Variants in ZP4 observed in about 807,000 individuals in gnomAD.
ZP4 encodes the protein zona pellucida sperm-binding protein 4.
In ZP4, 62 loss-of-function variants were observed where a neutral mutation model predicts 62.3. The ratio of observed to expected loss-of-function variants is 0.99; its 90% confidence interval spans 0.81 to 1.23. The LOEUF (loss-of-function observed/expected upper bound fraction) is 1.23, where lower values mean the gene tolerates loss of function less well. ZP4 is among the 50% of genes most tolerant of loss of function. ZP4 has a pLI of 0.00. For synonymous variants in ZP4, 289 were observed against 247.3 expected (o/e 1.17, Z -1.58); for missense variants, 774 against 656.0 (o/e 1.18, Z -1.97).
At chr1:237,887,738 G>A (rs1665139435) in intron 4 of ZP4, among the ~76,000 whole-genome samples, 177 bp from the exon 5 acceptor site, 1 of 152,170 alleles carries the variant, frequency 6.6e-6, no homozygotes, top group Non-Finnish European at 1.5e-5. Context: ...TAAATGATCT[G>A]GGGTTGAGTC....
rs749678149 is a variant in ZP4 at position 237,886,786 on chromosome 1, C to A, written c.824G>T (p.Arg275Leu). 4 of 1,613,902 alleles carry A rather than the reference C, an allele frequency of 2.5e-6. No individual in the cohort carries two copies. Among genetic ancestry groups the A allele is most frequent in the Non-Finnish European group, 3.4e-6 (4 of 1,179,918 alleles). The change falls in exon 6 of 12, where the codon CGT becomes CTT. Residue 275 changes from arginine to leucine, a missense_variant. Transcript: ENST00000366570. The stretch of plus-strand genomic sequence containing the variant: ...AAGCCCTTACCTGAAGATGCTGTCA[C>A]GAGTGACAGAGCCACGGCTCCCATT... Reference protein sequence around the residue: ...VKNGSRGSVTRDSIFRLHVSC... With the variant: ...VKNGSRGSVTLDSIFRLHVSC...
intron 10 of ZP4, among the ~76,000 whole-genome samples, chr1:237,883,566 G>A (rs111674381): frequency 6.9e-6 from 1 of 145,126 alleles, no homozygotes; most frequent in Admixed American, 6.9e-5. Context: ...AATACAAAAT[G>A]AGCTGGACTT....
At chr1:237,885,082 C>G in intron 9 of ZP4, 83 bp downstream of exon 9, 1 of 1,546,404 alleles carries the variant, frequency 6.5e-7, no homozygotes, top group Non-Finnish European at 8.7e-7. Flanking sequence ...GCTTCCTTGG[C>G]TGCAGAGTAG....
chr1:237,885,166 G>C lies in ZP4; in HGVS notation c.1310C>G (p.Pro437Arg). 6.2e-7 allele frequency: 1 copy of C among 1,613,090 alleles called. No individual in the cohort carries two copies. Among genetic ancestry groups the C allele is most frequent in the Non-Finnish European group, 8.5e-7 (1 of 1,179,592 alleles). Reference sequence around the variant, plus strand: ...GTGTCATGGAAGGGAACATCCTACCGGTCCCCTGAGGGCCTGTTTCTCCAC... The same window carrying C: ...GTGTCATGGAAGGGAACATCCTACCCGTCCCCTGAGGGCCTGTTTCTCCAC... ...PTVEKQALRGPVHLHCSVSVC... is the reference protein window; with the variant it reads ...PTVEKQALRGRVHLHCSVSVC... The change falls in exon 9 of 12, where the codon CCG becomes CGG. Residue 437 changes from proline (P) to arginine (R), a missense_variant and splice_region_variant. Transcript: ENST00000366570.
At chr1:237,882,596 G>T in intron 11 of ZP4, 47 bp from the exon 12 acceptor site, 1 of 1,574,396 alleles carries the variant, frequency 6.4e-7, no homozygotes, top group South Asian at 1.2e-5. Flanking sequence ...AAAACCAAGT[G>T]ATTCTGTGTC....
chr1:237,884,011 C>A lies in ZP4; in HGVS notation c.1390+758G>T, dbSNP rs781537969. Among the ~76,000 whole-genome samples the A allele has an allele frequency of 8.5e-3, 710 of 83,368 alleles. 8 individuals carry two copies. The highest frequency in any genetic ancestry group is 0.015 in the East Asian group (38 of 2,524). 54.7% of individuals were successfully genotyped at this position (83,368 alleles called of 152,430 possible). A position where few individuals can be genotyped will look rare whatever the true frequency, so the allele number is the denominator to read the frequency against. ...ACACACACACACACACACACACACACACACAAACACACACACACACAAACA... is the reference window on the plus strand; with the variant it reads ...ACACACACACACACACACACACACAAACACAAACACACACACACACAAACA... On this transcript the variant is annotated intron_variant, in intron 10 of 11. Coordinates refer to ENST00000366570, the MANE Select transcript of ZP4 (RefSeq NM_021186.5).
At position 237,885,394 on chromosome 1, in the gene ZP4, T is replaced by C; in HGVS notation, c.1157A>G (p.Lys386Arg). ...LSQPQWPILV[K>R]GCPYIGDNYQ... ...GGTGTATGAAAGAACCACTTACCCC[T>C]TTACCAGGATGGGCCACTGTGGCTG... is the stretch of plus-strand genomic sequence containing the variant. Residue 386 changes from lysine (K) to arginine (R), a missense_variant, in exon 8 of 12, where the codon AAG becomes AGG. Coordinates refer to ENST00000366570, the MANE Select transcript of ZP4 (RefSeq NM_021186.5). The C allele has an allele frequency of 1.2e-6, 2 of 1,611,056 alleles. No homozygotes were observed. Among genetic ancestry groups the C allele is most frequent in the Non-Finnish European group, 8.5e-7 (1 of 1,178,466 alleles).
At position 237,890,068 on chromosome 1, in the gene ZP4, T is replaced by G; in HGVS notation, c.284A>C (p.Tyr95Ser). 6.2e-7 allele frequency: 1 copy of G among 1,614,138 alleles called. No individual in the cohort carries two copies. Among genetic ancestry groups the G allele is most frequent in the Non-Finnish European group, 8.5e-7 (1 of 1,180,016 alleles). The change falls in exon 2 of 12, where the codon TAT (tyrosine) becomes TCT (serine). Residue 95 changes from tyrosine (Y) to serine (S), a missense_variant. Physicochemically the swap from Tyr to Ser is moderately radical, Grantham distance 144. Coordinates refer to ENST00000366570, the MANE Select transcript of ZP4 (RefSeq NM_021186.5). ...GGTCATACTCACCCACTCAGTGACA[T>G]AGCAGCTGCTATAGGTTGCCTCCAA... ...VVLEATYSSC[Y>S]VTEWDSHYIM...
In ZP4 at chr1:237,887,345, A is replaced by G. The variant is rs374419029; in HGVS notation, c.741+29T>C. 2.8e-3 allele frequency: 4,490 copies of G among 1,606,682 alleles called. 15 individuals are homozygous for G. The highest frequency in any genetic ancestry group is 3.7e-3 in the Non-Finnish European group (4,319 of 1,175,706). ...ACTACAACCTTCCCACCCAACTTCC[A>G]GAGCCAGGAACAAAGCCCAACTGCT... is the stretch of plus-strand genomic sequence containing the variant. On this transcript the variant is annotated intron_variant, in intron 5 of 11. Transcript: ENST00000366570.
At chr1:237,890,220 C>A in intron 1 of ZP4, 44 bp from the exon 2 acceptor site, 1 of 1,612,132 alleles carries the variant, frequency 6.2e-7, no homozygotes, top group South Asian at 1.1e-5. Flanking sequence ...CGGTCAGTCT[C>A]CAGTGCCAGA....
intron 10 of ZP4, among the ~76,000 whole-genome samples, chr1:237,883,407 C>A (rs1664960860): frequency 6.6e-6 from 1 of 151,012 alleles, no homozygotes; most frequent in South Asian, 2.1e-4. Flanking sequence ...ACATAAAGAT[C>A]CATCTCTATA....
At chr1:237,885,606 G>A (rs376685500) in intron 7 of ZP4, 26 bp from the exon 8 acceptor site, 145 of 1,608,634 alleles carry the variant, frequency 9.0e-5, no homozygotes, top group Non-Finnish European at 1.1e-4. Context: ...ATAAGGATTT[G>A]AAGTAGTAAT....
chr1:237,884,067 CACACAA>C (rs1438288878), intron 10 of ZP4, among the ~76,000 whole-genome samples: 1 of 131,582 alleles, frequency 7.6e-6, no homozygotes, highest in African/African-American at 3.4e-5. Flanking sequence ...CACACAAACA[CACACAA>C]ACACACACAA....
At chr1:237,889,546 G>A (rs987270156) in intron 3 of ZP4, among the ~76,000 whole-genome samples, 2 of 151,880 alleles carry the variant, frequency 1.3e-5, no homozygotes, top group African/African-American at 2.4e-5. Context: ...TCCAACTCCC[G>A]ACCTGATCCA....
Position 237,890,581 on chromosome 1 carries a change from C to T in ZP4, c.55G>A (p.Gly19Ser), listed in dbSNP as rs752958081. ...LCVSLSLAVS[G>S]QHKPEAPDYS... ...TCTGGTGCCTCAGGCTTATGCTGGC[C>T]ACTCACAGCAAGAGATAATGAAACA... Residue 19 changes from glycine to serine, a missense_variant, in exon 1 of 12, where the codon GGC becomes AGC. By Grantham distance (56) the Gly-to-Ser change is moderately conservative. Coordinates refer to ENST00000366570, the MANE Select transcript of ZP4 (RefSeq NM_021186.5). 1.2e-6 allele frequency: 2 copies of T among 1,613,966 alleles called. No individual in the cohort carries two copies. Among genetic ancestry groups the T allele is most frequent in the Admixed American group, 1.7e-5 (1 of 59,998 alleles).
In ZP4 at chr1:237,885,200, T is replaced by G. The variant is rs770872830; in HGVS notation, c.1276A>C (p.Asn426His). The G allele has an allele frequency of 2.5e-6, 4 of 1,614,120 alleles. No homozygotes were observed. The South Asian group carries it at 4.4e-5, about 18-fold the overall frequency. The change falls in exon 9 of 12, where the codon AAC becomes CAC. Residue 426 changes from asparagine (N) to histidine (H), a missense_variant. By Grantham distance (68) the Asn-to-His change is moderately conservative (BLOSUM62 1). Transcript: ENST00000366570. ...RFSIFTFSFV[N>H]PTVEKQALRG... is the part of the protein sequence containing the mutation. ...AGGGCCTGTTTCTCCACTGTAGGGT[T>G]CACAAAGCTGAAGGTGAAGATGCTG...
In ZP4 at chr1:237,883,995, C is replaced by CAA. The variant is rs1446820456; in HGVS notation, c.1390+773_1390+774insTT. Among the ~76,000 whole-genome samples, 215 of 71,908 alleles carry CAA rather than the reference C, an allele frequency of 3.0e-3. 7 individuals carry two copies. Among genetic ancestry groups the CAA allele is most frequent in the African/African-American group, 9.2e-3 (152 of 16,602 alleles). The allele number at this position is 71,908 out of a possible 152,430, so 47.2% of individuals were successfully genotyped here. A position where few individuals can be genotyped will look rare whatever the true frequency, so the allele number is the denominator to read the frequency against. Reference sequence around the variant, plus strand: ...ACACACACACACAAACACACACACACACACACACACACACACACACAAACA... The same window carrying CAA: ...ACACACACACACAAACACACACACACAAACACACACACACACACACACAAACA... On this transcript the variant is annotated intron_variant, in intron 10 of 11. Transcript: ENST00000366570.
intron 4 of ZP4, 54 bp downstream of exon 4, chr1:237,888,304 A>G (rs1665154844): frequency 2.0e-6 from 3 of 1,464,856 alleles, no homozygotes; most frequent in East Asian, 2.4e-5. Context: ...TCTGGGTTTC[A>G]TTGTAATTGC....
rs757781486 is a variant in ZP4 at position 237,885,415 on chromosome 1, G to C, written c.1136C>G (p.Pro379Arg). Residue 379 changes from proline to arginine, a missense_variant, in exon 8 of 12, where the codon CCA becomes CGA. Transcript: ENST00000366570. ...CCCCTTTACCAGGATGGGCCACTGT[G>C]GCTGACTCAGGGGGTCAGTGCTGGG... The part of the protein sequence containing the change: ...ATPSTDPLSQ[P>R]QWPILVKGCP... The C allele has an allele frequency of 5.6e-6, 9 of 1,612,318 alleles. No homozygotes were observed. The highest frequency in any genetic ancestry group is 1.7e-5 in the Admixed American group (1 of 59,794).
Sources: allele counts gnomAD v4.1 joint callset (sites outside exome capture counted in the v4.1 genomes callset), GRCh38; gene constraint gnomAD v4.1.1; transcripts MANE v1.5; gene names NCBI Gene and HGNC (gene_info 2026-07-23, HGNC 2026-07-21).